Variants in SULT1C2 observed in about 807,000 individuals in gnomAD.
The protein encoded by SULT1C2 is sulfotransferase family 1C member 2.
In SULT1C2, 27 loss-of-function variants were observed where a neutral mutation model predicts 36.0. The ratio of observed to expected loss-of-function variants is 0.75; its 90% CI spans 0.55 to 1.03. The LOEUF (loss-of-function observed/expected upper bound fraction) is 1.03, where lower values mean the gene tolerates loss of function less well. SULT1C2 is among the 50% of genes least tolerant of loss of function. The pLI, the probability that SULT1C2 is intolerant of heterozygous loss-of-function variation, is 0.00. For synonymous variants in SULT1C2, 121 were observed against 116.0 expected (o/e 1.04, Z -0.27); for missense variants, 395 against 359.2 (o/e 1.10, Z -0.80).
chr2:108,307,146 A>G (rs1677045892), intron 7 of SULT1C2, among the ~76,000 whole-genome samples: 1 of 152,180 alleles, frequency 6.6e-6, no homozygotes, highest in African/African-American at 2.4e-5. Flanking sequence ...TTTCCAATCT[A>G]CAACAGTATT....
At chr2:108,294,037 G>C (rs1409542407) in intron 2 of SULT1C2, among the ~76,000 whole-genome samples, 192 bp from the exon 3 acceptor site, 1 of 152,172 alleles carries the variant, frequency 6.6e-6, no homozygotes, top group African/African-American at 2.4e-5. Context: ...CCTTGCCTGT[G>C]CTGCTCCACT....
chr2:108,298,569 A>C, intron 3 of SULT1C2: 1 of 251,262 alleles, frequency 4.0e-6, no homozygotes, highest in South Asian at 3.3e-5. Context: ...TTTTTTAGAG[A>C]CAGGATTTCA....
At chr2:108,300,758 G>A (rs17036079) in intron 3 of SULT1C2, 80 bp from the exon 4 acceptor site, 83,754 of 1,589,114 alleles carry the variant, frequency 0.053, 2,459 homozygotes, top group East Asian at 0.084. Flanking sequence ...GTGATGGGAT[G>A]TCCTGGACAG....
At chr2:108,297,154 T>C (rs751834898) in intron 3 of SULT1C2, among the ~76,000 whole-genome samples, 4 of 152,216 alleles carry the variant, frequency 2.6e-5, no homozygotes, top group Non-Finnish European at 5.9e-5. Context: ...CAAGGGCCTA[T>C]GCTGCTCATA....
Position 108,301,043 on chromosome 2 carries a change from C to A in SULT1C2, c.375+108C>A, listed in dbSNP as rs936917400. 2.1e-5 allele frequency: 29 copies of A among 1,365,284 alleles called. No individual in the cohort carries two copies. In the African/African-American group the frequency reaches 2.2e-4, roughly 10 times the overall value. 84.6% of individuals were successfully genotyped at this position (1,365,284 alleles called of 1,614,324 possible). A position where few individuals can be genotyped will look rare whatever the true frequency, so the allele number is the denominator to read the frequency against. On this transcript the variant is annotated intron_variant, in intron 4 of 7. Coordinates refer to ENST00000251481, the MANE Select transcript of SULT1C2 (RefSeq NM_001056.4). ...GTGATCACCTTTGCCTCTCCACTGT[C>A]TCTGATGCTTACCAGCAAAGAGAAA...
At chr2:108,297,794 A>C (rs1385118427) in intron 3 of SULT1C2, among the ~76,000 whole-genome samples, 3 of 151,086 alleles carry the variant, frequency 2.0e-5, no homozygotes, top group Admixed American at 6.6e-5. Flanking sequence ...ACTCCACAGT[A>C]TCTCTCTCCT....
intron 3 of SULT1C2, among the ~76,000 whole-genome samples, chr2:108,297,041 GA>G (rs1157600496): frequency 1.3e-5 from 2 of 152,232 alleles, no homozygotes; most frequent in Admixed American, 6.5e-5. Flanking sequence ...GAAAGACTTT[GA>G]AAAGACCTGT....
At chr2:108,304,982 T>C (rs147494535) in intron 5 of SULT1C2, among the ~76,000 whole-genome samples, 190 bp from the exon 6 acceptor site, 3 of 152,318 alleles carry the variant, frequency 2.0e-5, no homozygotes, top group East Asian at 3.9e-4. Flanking sequence ...AGGGACGATG[T>C]TGGGGCAAGT....
At chr2:108,299,151 A>T (rs1676812137) in intron 3 of SULT1C2, 1 of 152,338 alleles carries the variant, frequency 6.6e-6, no homozygotes, top group Non-Finnish European at 1.5e-5. Flanking sequence ...GTCCAGGGCT[A>T]CCAGCCTCTT....
intron 1 of SULT1C2, among the ~76,000 whole-genome samples, chr2:108,289,781 T>C (rs986225029): frequency 2.6e-5 from 4 of 152,194 alleles, no homozygotes; most frequent in South Asian, 2.1e-4. Flanking sequence ...GGACTTCTCC[T>C]GTGGGAACTG....
chr2:108,304,669 A>G lies in SULT1C2; in HGVS notation c.471A>G (p.Glu157=). The G allele has an allele frequency of 6.2e-7, 1 of 1,613,754 alleles. No homozygotes were observed. The highest frequency in any genetic ancestry group is 8.5e-7 in the Non-Finnish European group (1 of 1,179,884). Reference sequence around the variant, plus strand: ...TGCTTCCTGACCCTGGTACCTGGGAAGAGTATTTTGAAACCTTCATCAATG... The same window carrying G: ...TGCTTCCTGACCCTGGTACCTGGGAGGAGTATTTTGAAACCTTCATCAATG... ...NHMLPDPGTW[E]EYFETFINGK... The change falls in exon 5 of 8, where the codon GAA becomes GAG. Residue 157 remains glutamate (E), a synonymous_variant. Coordinates refer to ENST00000251481, the MANE Select transcript of SULT1C2 (RefSeq NM_001056.4).
chr2:108,302,616 A>G (rs947443461), intron 4 of SULT1C2: 7 of 152,230 alleles, frequency 4.6e-5, no homozygotes, highest in Non-Finnish European at 8.8e-5. Flanking sequence ...CATGAGATGC[A>G]GTCTTCAGAA....
chr2:108,303,552 C>G (rs1424304738), intron 4 of SULT1C2: 1 of 152,186 alleles, frequency 6.6e-6, no homozygotes, highest in Non-Finnish European at 1.5e-5. Flanking sequence ...TGTGTAAAAG[C>G]CCAACAGTGG....
intron 4 of SULT1C2, chr2:108,301,422 A>T (rs1047024882): frequency 6.6e-6 from 1 of 152,262 alleles, no homozygotes; most frequent in African/African-American, 2.4e-5. Context: ...TACTAAAAAT[A>T]AAAAAAAACT....
intron 1 of SULT1C2, among the ~76,000 whole-genome samples, chr2:108,293,179 C>CAAAAAAAAA (rs397869118): frequency 5.5e-5 from 3 of 54,078 alleles, no homozygotes; most frequent in East Asian, 6.0e-4. Context: ...GACTCTGTCT[C>CAAAAAAAAA]AAAAAAAAAA....
At chr2:108,294,439 T>TC (rs1403394978) in intron 3 of SULT1C2, 85 bp downstream of exon 3, 5 of 775,860 alleles carry the variant, frequency 6.4e-6, no homozygotes, top group Non-Finnish European at 9.2e-6. Context: ...TTTTCTCCTC[T>TC]TCTCTCCTCT....
intron 3 of SULT1C2, chr2:108,300,332 C>G (rs993534679): frequency 2.6e-5 from 4 of 153,588 alleles, no homozygotes; most frequent in African/African-American, 4.8e-5. Flanking sequence ...GAGCCGAGAT[C>G]GCACCACTGC....
At chr2:108,296,951 T>A (rs1431708823) in intron 3 of SULT1C2, among the ~76,000 whole-genome samples, 4 of 152,204 alleles carry the variant, frequency 2.6e-5, no homozygotes. Flanking sequence ...GGCCCCCTTC[T>A]GCTCTCCCAT....
intron 7 of SULT1C2, among the ~76,000 whole-genome samples, chr2:108,307,812 A>G (rs1677061534): frequency 6.6e-6 from 1 of 152,124 alleles, no homozygotes; most frequent in South Asian, 2.1e-4. Flanking sequence ...CCGCACCCCA[A>G]TCAAGATATG....
Sources: gnomAD v4.1 joint callset for allele counts (sites outside exome capture counted in the v4.1 genomes callset) on GRCh38, gnomAD v4.1.1 for gene constraint, MANE v1.5 for transcripts, NCBI Gene and HGNC (gene_info 2026-07-23, HGNC 2026-07-21) for gene names.